Variants in PHKA1 observed in about 807,000 individuals in gnomAD.
PHKA1 encodes phosphorylase b kinase regulatory subunit alpha, skeletal muscle isoform.
In PHKA1, 60 loss-of-function variants were observed where a neutral mutation model predicts 110.2. The observed-to-expected ratio is 0.54, with a 90% CI of 0.44 to 0.68. PHKA1 has a LOEUF of 0.68. PHKA1 is among the 30% of genes least tolerant of loss of function. The pLI is 0.00. For synonymous variants in PHKA1, 316 were observed against 333.6 expected (o/e 0.95, Z 0.58); for missense variants, 801 against 942.5 (o/e 0.85, Z 1.97).
At chrX:72,689,802 A>G (rs1477825316) in intron 4 of PHKA1, among the ~76,000 whole-genome samples, 1 of 111,495 alleles carries the variant, frequency 9.0e-6, no homozygotes, top group Non-Finnish European at 1.9e-5. Flanking sequence ...ACTCTTTTCC[A>G]AGGCAGCCGC....
intron 4 of PHKA1, among the ~76,000 whole-genome samples, chrX:72,691,807 G>A (rs782597340): frequency 2.7e-5 from 3 of 111,935 alleles, no homozygotes; most frequent in Admixed American, 9.5e-5. Flanking sequence ...CGTATCATCT[G>A]CAAATGGAGA....
At chrX:72,599,474 T>C (rs1354957331) in intron 28 of PHKA1, among the ~76,000 whole-genome samples, 1 of 111,686 alleles carries the variant, frequency 9.0e-6, no homozygotes, top group Non-Finnish European at 1.9e-5. Context: ...GCTTTCAAAC[T>C]TAAAAATGCA....
chrX:72,665,436 G>A (rs1556305954), intron 8 of PHKA1, among the ~76,000 whole-genome samples: 1 of 111,521 alleles, frequency 9.0e-6, no homozygotes, highest in South Asian at 3.8e-4. Context: ...GGAATGGATG[G>A]CTTTATTGCT....
chrX:72,653,243 T>A (rs1435601332), intron 11 of PHKA1, among the ~76,000 whole-genome samples, 192 bp downstream of exon 11: 1 of 112,134 alleles, frequency 8.9e-6, no homozygotes, highest in Non-Finnish European at 1.9e-5. Context: ...TGTGCAACAG[T>A]ACCATCATTG....
chrX:72,615,891 T>C (rs2052889686), intron 21 of PHKA1, among the ~76,000 whole-genome samples: 1 of 111,179 alleles, frequency 9.0e-6, no homozygotes, highest in Non-Finnish European at 1.9e-5. Context: ...GATTAAATTA[T>C]CCCATTAAAA....
intron 16 of PHKA1, among the ~76,000 whole-genome samples, chrX:72,629,766 A>T (rs993786488): frequency 1.8e-5 from 2 of 110,485 alleles, no homozygotes; most frequent in Admixed American, 1.9e-4. Context: ...TGCCATTTTG[A>T]TTTACCTATA....
intron 3 of PHKA1, among the ~76,000 whole-genome samples, chrX:72,697,568 GTTT>G (rs1178050899): frequency 2.0e-5 from 2 of 100,685 alleles, no homozygotes; most frequent in African/African-American, 7.2e-5. Flanking sequence ...TTGAGCAAAA[GTTT>G]TTTTTTTTTT....
In PHKA1 at chrX:72,690,137, T is replaced by G. The variant is rs140286316; in HGVS notation, c.455-5557A>C. On this transcript the variant is annotated intron_variant, in intron 4 of 31. Coordinates refer to ENST00000373542, the MANE Select transcript of PHKA1 (RefSeq NM_002637.4). ...AGATATATGACTTGTGAATATTTTC[T>G]TCTATACTATTGGTTGCTTTTTTAG... Among the ~76,000 whole-genome samples the G allele has an allele frequency of 8.1e-3, 907 of 111,918 alleles. 15 individuals are homozygous for G. Among genetic ancestry groups the G allele is most frequent in the African/African-American group, 0.028 (864 of 30,814 alleles).
In PHKA1 at chrX:72,636,406, T is replaced by C. The variant is rs1556291841; in HGVS notation, c.1460-20A>G. The C allele has an allele frequency of 2.1e-6, 2 of 960,088 alleles. No homozygotes were observed. Among genetic ancestry groups the C allele is most frequent in the Admixed American group, 2.2e-5 (1 of 45,373 alleles). 79.1% of individuals were successfully genotyped at this position (960,088 alleles called of 1,213,427 possible). Reference sequence around the variant, plus strand: ...TGCATCCTGATACAGAATTGAGAAATGGTAAAAATATTTCTAGAGCACAAA... The same window carrying C: ...TGCATCCTGATACAGAATTGAGAAACGGTAAAAATATTTCTAGAGCACAAA... On this transcript the variant is annotated intron_variant, in intron 14 of 31. Coordinates refer to ENST00000373542, the MANE Select transcript of PHKA1 (RefSeq NM_002637.4).
At chrX:72,670,934 C>T (rs1397124694) in intron 6 of PHKA1, among the ~76,000 whole-genome samples, 1 of 111,613 alleles carries the variant, frequency 9.0e-6, no homozygotes, top group African/African-American at 3.3e-5. Context: ...TGGGACGTAT[C>T]TCAAAATAAT....
At chrX:72,612,930 G>C (rs1556262982) in intron 21 of PHKA1, among the ~76,000 whole-genome samples, 1 of 111,283 alleles carries the variant, frequency 9.0e-6, no homozygotes, top group East Asian at 2.8e-4. Context: ...GTGAAGATGT[G>C]GAGAGACACA....
chrX:72,595,448 G>C (rs1556232887), intron 28 of PHKA1, among the ~76,000 whole-genome samples: 1 of 111,104 alleles, frequency 9.0e-6, no homozygotes. Context: ...CTGAACCAGG[G>C]AGATTAAGTA....
chrX:72,678,130 T>C (rs1556312677), intron 5 of PHKA1, among the ~76,000 whole-genome samples: 1 of 111,544 alleles, frequency 9.0e-6, no homozygotes, highest in African/African-American at 3.3e-5. Context: ...CAATCTTATC[T>C]CATATTTTCC....
Position 72,584,318 on chromosome X carries a change from A to G in PHKA1, c.3244-16T>C. 8.3e-7 allele frequency: 1 copy of G among 1,198,406 alleles called. No homozygotes were observed. The highest frequency in any genetic ancestry group is 1.1e-6 in the Non-Finnish European group (1 of 883,498). ...GTCCGTGACACTGCAAAACAGAAAA[A>G]AAACCATATCACCAAAAACCATATC... On this transcript the variant is annotated splice_polypyrimidine_tract_variant and intron_variant, in intron 29 of 31. Coordinates refer to ENST00000373542, the MANE Select transcript of PHKA1 (RefSeq NM_002637.4).
rs2054426891 is a variant in PHKA1, at chrX:72,714,045, G to A, written c.-165C>T. The A allele has an allele frequency of 2.0e-6, 1 of 499,004 alleles. No homozygotes were observed. The highest frequency in any genetic ancestry group is 2.3e-5 in the African/African-American group (1 of 43,799). The allele number at this position is 499,004 out of a possible 1,213,427, so 41.1% of individuals were successfully genotyped here. Reference sequence around the variant, plus strand: ...GCTCAGGCCTGGCGCCGCGGATTCCGCGTACCTCTCCGGACTCCGGCGGCC... The same window carrying A: ...GCTCAGGCCTGGCGCCGCGGATTCCACGTACCTCTCCGGACTCCGGCGGCC... On this transcript the variant is annotated 5_prime_UTR_variant, in exon 1 of 32. Transcript: ENST00000373542.
At chrX:72,590,453 A>G (rs181205858) in intron 29 of PHKA1, among the ~76,000 whole-genome samples, 17 of 112,418 alleles carry the variant, frequency 1.5e-4, no homozygotes, top group Admixed American at 3.8e-4. Flanking sequence ...TAAATGTTAG[A>G]CCTAAAACCA....
chrX:72,652,856 C>T (rs2053446710), intron 11 of PHKA1, among the ~76,000 whole-genome samples: 1 of 111,448 alleles, frequency 9.0e-6, no homozygotes, highest in African/African-American at 3.3e-5. Flanking sequence ...TGTTAAAATG[C>T]AGATTCTGAT....
intron 8 of PHKA1, among the ~76,000 whole-genome samples, chrX:72,658,737 G>A (rs184685008): frequency 2.0e-3 from 224 of 111,797 alleles, no homozygotes; most frequent in African/African-American, 6.6e-3. Context: ...ATCAGAGTAC[G>A]GTTATGCATA....
chrX:72,651,809 A>G (rs2147759299), intron 12 of PHKA1, among the ~76,000 whole-genome samples: 1 of 111,852 alleles, frequency 8.9e-6, no homozygotes, highest in Non-Finnish European at 1.9e-5. Flanking sequence ...CAGGTCAAAG[A>G]GTCTGACTCA....
Sources: allele counts gnomAD v4.1 joint callset (sites outside exome capture counted in the v4.1 genomes callset), GRCh38; gene constraint gnomAD v4.1.1; transcripts MANE v1.5; gene names NCBI Gene and HGNC (gene_info 2026-07-23, HGNC 2026-07-21).